SCMH1: variants seen among roughly 807,000 people sequenced by gnomAD.
SCMH1 encodes the protein Scm polycomb group protein homolog 1, also known as polycomb protein SCMH1.
A neutral mutation model predicts 70.8 loss-of-function variants in SCMH1; 37 were observed. The ratio of observed to expected loss-of-function variants is 0.52; its 90% CI spans 0.40 to 0.69. The LOEUF is 0.69. Among genes scored for constraint, SCMH1 ranks in the 30% least tolerant of loss-of-function variants. SCMH1 has a pLI of 0.00. For synonymous variants in SCMH1, 292 were observed against 307.4 expected, an observed-to-expected ratio of 0.95 and a Z score of 0.52; for missense variants, 607 against 827.3, an observed-to-expected ratio of 0.73 and a Z score of 3.27.
chr1:41,197,260 T>A (rs1653251547), intron 1 of SCMH1, among the ~76,000 whole-genome samples: 1 of 152,164 alleles, frequency 6.6e-6, no homozygotes. Flanking sequence ...CATAGCAGCA[T>A]GATTCACAAT....
At chr1:41,094,867 G>C (rs549410273) in intron 8 of SCMH1, among the ~76,000 whole-genome samples, 11 of 150,740 alleles carry the variant, frequency 7.3e-5, no homozygotes, top group African/African-American at 2.4e-4. Flanking sequence ...CCAGCCTGTG[G>C]AGCAGAGTGA....
intron 13 of SCMH1, among the ~76,000 whole-genome samples, chr1:41,029,322 C>T (rs1644190781): frequency 6.6e-6 from 1 of 152,290 alleles, no homozygotes; most frequent in East Asian, 1.9e-4. Context: ...AAGCAATTGT[C>T]CTGCCTCAGC....
intron 1 of SCMH1, among the ~76,000 whole-genome samples, chr1:41,199,371 G>A (rs1036891894): frequency 1.3e-5 from 2 of 152,038 alleles, no homozygotes; most frequent in Admixed American, 1.3e-4. Context: ...TGCCTGTTTT[G>A]AATGTTATAT....
Position 41,137,770 on chromosome 1 carries a change from G to A in SCMH1, c.412+5108C>T, listed in dbSNP as rs570120546. Among the ~76,000 whole-genome samples the A allele has an allele frequency of 4.6e-5, 7 of 152,296 alleles. No homozygotes were observed. The South Asian group carries it at 1.2e-3, about 27-fold the overall frequency. ...AGCCCTATACCTCAGCCCTCAGGAT[G>A]GGGGAGGAGAGGCTCTTCCTTGGGC... On this transcript the variant is annotated intron_variant, in intron 6 of 14. Coordinates refer to ENST00000337495, the Ensembl canonical transcript of SCMH1.
intron 10 of SCMH1, among the ~76,000 whole-genome samples, chr1:41,065,333 G>C (rs1024213236): frequency 2.0e-5 from 3 of 152,140 alleles, no homozygotes; most frequent in Admixed American, 6.5e-5. Flanking sequence ...GCTAGGTATA[G>C]TGGCATGTGC....
chr1:41,116,740 T>C (rs1050311756), intron 7 of SCMH1, among the ~76,000 whole-genome samples, 182 bp downstream of exon 7: 1 of 150,670 alleles, frequency 6.6e-6, no homozygotes, highest in Admixed American at 6.8e-5. Context: ...TAATCTAATC[T>C]ATGGGACCTT....
intron 1 of SCMH1, among the ~76,000 whole-genome samples, chr1:41,224,190 G>C (rs910413374): frequency 7.9e-5 from 12 of 151,970 alleles, no homozygotes; most frequent in Admixed American, 3.3e-4. Flanking sequence ...CATACTCTCA[G>C]ACAAAATCAT....
At chr1:41,184,889 T>G (rs772850519) in intron 2 of SCMH1, among the ~76,000 whole-genome samples, 5 of 152,212 alleles carry the variant, frequency 3.3e-5, no homozygotes, top group Non-Finnish European at 5.9e-5. Context: ...TGAGATATTA[T>G]AGTAGCAACT....
At chr1:41,221,221 G>A (rs1431864184) in intron 1 of SCMH1, among the ~76,000 whole-genome samples, 2 of 152,170 alleles carry the variant, frequency 1.3e-5, no homozygotes, top group Non-Finnish European at 2.9e-5. Flanking sequence ...GAGATACAAA[G>A]TAAGAGTAGT....
chr1:41,047,701 C>T (rs1159191406), intron 11 of SCMH1, among the ~76,000 whole-genome samples: 1 of 152,126 alleles, frequency 6.6e-6, no homozygotes, highest in Non-Finnish European at 1.5e-5. Context: ...CGCACCTGGC[C>T]AATTCCTAGT....
chr1:41,072,397 T>A (rs535142502), intron 9 of SCMH1, among the ~76,000 whole-genome samples: 3 of 152,224 alleles, frequency 2.0e-5, no homozygotes, highest in African/African-American at 7.2e-5. Context: ...CAATATTATA[T>A]GTATTCATAC....
chr1:41,101,774 G>C (rs539513713), intron 8 of SCMH1, among the ~76,000 whole-genome samples: 3 of 150,046 alleles, frequency 2.0e-5, no homozygotes, highest in Non-Finnish European at 4.5e-5. Flanking sequence ...TTTTTCCTGA[G>C]TCAACTATCA....
intron 1 of SCMH1, among the ~76,000 whole-genome samples, chr1:41,197,715 G>A (rs559304139): frequency 1.3e-5 from 2 of 152,194 alleles, no homozygotes; most frequent in Admixed American, 1.3e-4. Flanking sequence ...CAGGCAACAG[G>A]TGGATGTGCA....
intron 2 of SCMH1, among the ~76,000 whole-genome samples, chr1:41,171,377 C>A (rs1646771629): frequency 6.6e-6 from 1 of 152,140 alleles, no homozygotes; most frequent in Non-Finnish European, 1.5e-5. Context: ...TTACAGACAG[C>A]ACTGCTTCTG....
At chr1:41,234,453 CTTTTTTTTTTTTT>C (rs66686109) in intron 1 of SCMH1, among the ~76,000 whole-genome samples, 13 of 49,420 alleles carry the variant, frequency 2.6e-4, no homozygotes, top group Middle Eastern at 0.019. Flanking sequence ...AACTCTGCCT[CTTTTTTTTTTTTT>C]TTTTTTTTTT....
intron 8 of SCMH1, among the ~76,000 whole-genome samples, chr1:41,095,675 A>T (rs967366606): frequency 6.6e-6 from 1 of 152,322 alleles, no homozygotes; most frequent in Non-Finnish European, 1.5e-5. Flanking sequence ...ACATGCGAAT[A>T]TATATATTTC....
intron 6 of SCMH1, among the ~76,000 whole-genome samples, chr1:41,122,309 A>G (rs547610257): frequency 3.3e-5 from 5 of 152,192 alleles, no homozygotes; most frequent in South Asian, 4.2e-4. Flanking sequence ...CTCTGCCTCA[A>G]ACACCTTTTA....
intron 8 of SCMH1, among the ~76,000 whole-genome samples, chr1:41,077,823 C>A (rs1658796316): frequency 6.6e-6 from 1 of 152,048 alleles, no homozygotes; most frequent in Non-Finnish European, 1.5e-5. Context: ...CCAGTTGGAG[C>A]CTCAATAGTT....
At position 41,116,333 on chromosome 1, in the gene SCMH1, C is replaced by T. The variant is rs938363011; in HGVS notation, c.501+589G>A. On this transcript the variant is annotated intron_variant, in intron 7 of 14. Transcript: ENST00000337495. ...ACTTTTACCCCATTAGAAAATTCAA[C>T]TGATAGACTCACTGCCTCACTTCTT... 2.8e-4 allele frequency among the ~76,000 whole-genome samples: 43 copies of T among 152,190 alleles called. 1 individual carries two copies. The highest frequency in any genetic ancestry group is 2.1e-4 in the South Asian group (1 of 4,832).
Sources: allele counts gnomAD v4.1 joint callset (sites outside exome capture counted in the v4.1 genomes callset), GRCh38; gene constraint gnomAD v4.1.1; transcripts MANE v1.5; gene names NCBI Gene and HGNC (gene_info 2026-07-23, HGNC 2026-07-21).